Variants in PRKN observed in about 807,000 individuals in gnomAD.
PRKN encodes parkin RBR E3 ubiquitin protein ligase.
A neutral mutation model predicts 59.5 loss-of-function variants in PRKN; 56 were observed. That is an observed-to-expected ratio of 0.94 (90% CI 0.76 to 1.18). PRKN has a LOEUF of 1.18. Ranked by LOEUF, PRKN falls within the 50% of genes most tolerant of loss-of-function variation. PRKN has a pLI of 0.00. For synonymous variants in PRKN, 250 were observed against 222.1 expected (o/e 1.13, Z -1.12); for missense variants, 657 against 596.4 (o/e 1.10, Z -1.06).
Position 162,288,602 on chromosome 6 carries a change from C to T in PRKN, c.172-25837G>A, listed in dbSNP as rs376140200. On this transcript the variant is annotated intron_variant, in intron 2 of 11. Coordinates refer to ENST00000366898, the MANE Select transcript of PRKN (RefSeq NM_004562.3). The stretch of plus-strand genomic sequence containing the variant: ...AAGCAAGTCATCGTAAGTTCTACAG[C>T]TGCAAGAAAGTGAACTTCTCCGAAA... 8.5e-5 allele frequency among the ~76,000 whole-genome samples: 13 copies of T among 152,246 alleles called. No individual in the cohort carries two copies. The South Asian group carries it at 1.7e-3, about 19-fold the overall frequency.
At chr6:161,956,005 C>T (rs1008147140) in intron 6 of PRKN, among the ~76,000 whole-genome samples, 4 of 152,120 alleles carry the variant, frequency 2.6e-5, no homozygotes, top group African/African-American at 7.2e-5. Context: ...ACAGATAAGT[C>T]AAGACCTGTT....
At chr6:161,835,800 CT>C (rs1339647248) in intron 6 of PRKN, among the ~76,000 whole-genome samples, 1 of 152,162 alleles carries the variant, frequency 6.6e-6, no homozygotes, top group Non-Finnish European at 1.5e-5. Flanking sequence ...TGGGTGACCC[CT>C]GTCTCTCTAA....
Position 162,683,276 on chromosome 6 carries a change from A to T in PRKN, c.7+44386T>A, listed in dbSNP as rs566012618. Among the ~76,000 whole-genome samples the T allele has an allele frequency of 3.9e-5, 6 of 152,312 alleles. No individual in the cohort carries two copies. The East Asian group carries it at 1.2e-3, about 29-fold the overall frequency. ...AAATTCAAACTTTAGTTCCTCAGTC[A>T]TACTAACTACATTTTAAGAGGTCAA... is the stretch of plus-strand genomic sequence containing the variant. On this transcript the variant is annotated intron_variant, in intron 1 of 11. Coordinates refer to ENST00000366898, the MANE Select transcript of PRKN (RefSeq NM_004562.3).
At chr6:162,139,887 T>C (rs1339808741) in intron 4 of PRKN, among the ~76,000 whole-genome samples, 1 of 116,904 alleles carries the variant, frequency 8.6e-6, no homozygotes, top group Non-Finnish European at 1.8e-5. Context: ...CGAGACTCCA[T>C]CTCAAAAAAA....
intron 2 of PRKN, among the ~76,000 whole-genome samples, chr6:162,269,032 C>A (rs1417007200): frequency 6.6e-6 from 1 of 152,016 alleles, no homozygotes; most frequent in Non-Finnish European, 1.5e-5. Flanking sequence ...AAAGTAAGAA[C>A]AAGTGGGTTG....
At chr6:162,597,618 G>T (rs773841913) in intron 1 of PRKN, among the ~76,000 whole-genome samples, 1 of 152,058 alleles carries the variant, frequency 6.6e-6, no homozygotes, top group Admixed American at 6.6e-5. Flanking sequence ...TTTCTGACAC[G>T]CTATTTATCT....
intron 1 of PRKN, among the ~76,000 whole-genome samples, chr6:162,458,686 CT>C (rs902926366): frequency 1.0e-4 from 14 of 136,382 alleles, no homozygotes; most frequent in African/African-American, 3.5e-4. Context: ...AACTTTATCT[CT>C]TTTTTTTAAA....
chr6:161,531,280 C>T (rs1779200168), intron 9 of PRKN, among the ~76,000 whole-genome samples: 1 of 151,186 alleles, frequency 6.6e-6, no homozygotes, highest in South Asian at 2.1e-4. Context: ...ACTCGGGAGG[C>T]TGAGGGAGGA....
chr6:161,370,424 CAAAA>C (rs71004046), intron 10 of PRKN, among the ~76,000 whole-genome samples: 8 of 120,954 alleles, frequency 6.6e-5, no homozygotes, highest in Admixed American at 1.8e-4. Flanking sequence ...ACTCAAAATA[CAAAA>C]AAAAAAAAAA....
At chr6:162,200,343 C>A (rs1784673957) in intron 4 of PRKN, among the ~76,000 whole-genome samples, 1 of 152,082 alleles carries the variant, frequency 6.6e-6, no homozygotes, top group Non-Finnish European at 1.5e-5. Context: ...TCTAAAGAAC[C>A]AGTGAGTATG....
intron 4 of PRKN, among the ~76,000 whole-genome samples, chr6:162,066,365 C>T (rs1422233578): frequency 6.6e-6 from 1 of 152,142 alleles, no homozygotes; most frequent in Non-Finnish European, 1.5e-5. Context: ...TTTAAGGAAA[C>T]ACATATTAGC....
intron 5 of PRKN, among the ~76,000 whole-genome samples, chr6:162,041,966 C>T (rs1437537336): frequency 6.6e-6 from 1 of 152,074 alleles, no homozygotes; most frequent in Non-Finnish European, 1.5e-5. Context: ...GGAGGAAACA[C>T]AAGGCCTTGC....
chr6:162,171,159 G>A (rs1783254546), intron 4 of PRKN, among the ~76,000 whole-genome samples: 1 of 151,856 alleles, frequency 6.6e-6, no homozygotes, highest in South Asian at 2.1e-4. Context: ...CAGGAACTAC[G>A]CATTGCAACA....
intron 2 of PRKN, among the ~76,000 whole-genome samples, chr6:162,382,778 G>C (rs1786559598): frequency 6.6e-6 from 1 of 152,162 alleles, no homozygotes; most frequent in African/African-American, 2.4e-5. Context: ...ACCCAGAGTA[G>C]AATGTATTTT....
chr6:161,389,667 T>C (rs1375505754), intron 9 of PRKN, among the ~76,000 whole-genome samples: 1 of 152,224 alleles, frequency 6.6e-6, no homozygotes, highest in Admixed American at 6.5e-5. Flanking sequence ...TGCTCTTACA[T>C]GCTTTGTTGG....
At chr6:162,570,209 C>T (rs1780261613) in intron 1 of PRKN, among the ~76,000 whole-genome samples, 1 of 152,206 alleles carries the variant, frequency 6.6e-6, no homozygotes, top group Admixed American at 6.5e-5. Flanking sequence ...AAAAGGTGGT[C>T]AACATCACTC....
At chr6:162,025,117 G>A (rs1294367953) in intron 5 of PRKN, among the ~76,000 whole-genome samples, 5 of 149,182 alleles carry the variant, frequency 3.4e-5, no homozygotes, top group South Asian at 4.3e-4. Flanking sequence ...CTGGGTCCAC[G>A]CCATTCTCCT....
At chr6:162,031,852 G>A (rs1054693797) in intron 5 of PRKN, among the ~76,000 whole-genome samples, 30 of 152,186 alleles carry the variant, frequency 2.0e-4, no homozygotes, top group African/African-American at 6.3e-4. Context: ...TTTGTGGATC[G>A]TTGCATGTCC....
At chr6:161,437,935 G>T (rs1789002983) in intron 9 of PRKN, among the ~76,000 whole-genome samples, 1 of 152,264 alleles carries the variant, frequency 6.6e-6, no homozygotes, top group Non-Finnish European at 1.5e-5. Flanking sequence ...GTGACTACTT[G>T]ATTGGTAAAC....
Sources: gnomAD v4.1 joint callset for allele counts (sites outside exome capture counted in the v4.1 genomes callset) on GRCh38, gnomAD v4.1.1 for gene constraint, MANE v1.5 for transcripts, NCBI Gene and HGNC (gene_info 2026-07-23, HGNC 2026-07-21) for gene names.